Variants in KCNH7 observed in about 807,000 individuals in gnomAD.
The protein encoded by KCNH7 is voltage-gated inwardly rectifying potassium channel KCNH7.
A neutral mutation model predicts 120.8 loss-of-function variants in KCNH7; 49 were observed. The observed-to-expected ratio is 0.41, with a 90% CI of 0.32 to 0.51. KCNH7 has a LOEUF of 0.51. Among genes scored for constraint, KCNH7 ranks in the 20% least tolerant of loss-of-function variants. KCNH7 has a pLI of 0.38. For synonymous variants in KCNH7, 547 were observed against 516.1 expected, an observed-to-expected ratio of 1.06 and a Z score of -0.81; for missense variants, 1,097 against 1,446.6, an observed-to-expected ratio of 0.76 and a Z score of 3.92.
chr2:162,409,151 G>A (rs190115557), intron 9 of KCNH7, among the ~76,000 whole-genome samples: 8 of 151,804 alleles, frequency 5.3e-5, no homozygotes, highest in South Asian at 2.1e-4. Context: ...GGCTAATTCC[G>A]TGAATAAAAT....
At chr2:162,541,898 G>C (rs1692317835) in intron 2 of KCNH7, among the ~76,000 whole-genome samples, 1 of 151,942 alleles carries the variant, frequency 6.6e-6, no homozygotes, top group Non-Finnish European at 1.5e-5. Flanking sequence ...TAAGAGAAGA[G>C]GTATTTCAAA....
intron 2 of KCNH7, among the ~76,000 whole-genome samples, chr2:162,832,266 C>T (rs376365141): frequency 1.3e-4 from 20 of 152,024 alleles, no homozygotes; most frequent in African/African-American, 4.6e-4. Flanking sequence ...AAAAAGCTAC[C>T]ATCTGTATCT....
chr2:162,820,209 T>TGTGTGTG (rs1685065485), intron 2 of KCNH7, among the ~76,000 whole-genome samples: 70 of 99,738 alleles, frequency 7.0e-4, no homozygotes, highest in Non-Finnish European at 1.2e-3. Flanking sequence ...CCGGCTAATT[T>TGTGTGTG]TGTGTGTGTG....
chr2:162,614,589 A>C (rs1230626307), intron 2 of KCNH7, among the ~76,000 whole-genome samples: 3 of 151,824 alleles, frequency 2.0e-5, no homozygotes, highest in African/African-American at 7.2e-5. Flanking sequence ...AAAGTGGATA[A>C]ATATTAAAAA....
intron 2 of KCNH7, chr2:162,784,640 A>AC (rs1683633290): frequency 6.6e-6 from 1 of 152,138 alleles, no homozygotes; most frequent in Non-Finnish European, 1.5e-5. Context: ...TTCAAGAACC[A>AC]CCACCTGCAA....
intron 6 of KCNH7, among the ~76,000 whole-genome samples, chr2:162,495,232 A>T (rs1317221421): frequency 1.3e-5 from 2 of 152,164 alleles, no homozygotes; most frequent in African/African-American, 4.8e-5. Context: ...ATCAAGCATG[A>T]CCTGCAGAAC....
rs1402886271 is a variant in KCNH7, at chr2:162,371,843, G to T, written c.3577C>A (p.Leu1193Ile). The T allele has an allele frequency of 6.2e-7, 1 of 1,608,688 alleles. No homozygotes were observed. The highest frequency in any genetic ancestry group is 2.2e-5 in the East Asian group (1 of 44,682). ...GTACAAAATGATTATTTCCCTGGAA[G>T]ACCAGGATCAGAAACATGCCTATGA... Reference protein sequence around the residue: ...GLHRHVSDPGLPGK With the variant: ...GLHRHVSDPGIPGK Residue 1193 changes from leucine to isoleucine, a missense_variant, in exon 16 of 16, where the codon CTT (leucine) becomes ATT (isoleucine). By Grantham distance (5) the Leu-to-Ile change is conservative. Transcript: ENST00000332142.
intron 2 of KCNH7, among the ~76,000 whole-genome samples, chr2:162,548,538 T>C (rs759018437): frequency 5.3e-5 from 8 of 152,168 alleles, no homozygotes; most frequent in African/African-American, 1.2e-4. Context: ...CATTTCTACA[T>C]TGAGACCACA....
intron 2 of KCNH7, among the ~76,000 whole-genome samples, chr2:162,599,873 C>G (rs1694496079): frequency 7.2e-6 from 1 of 138,832 alleles, no homozygotes; most frequent in African/African-American, 3.0e-5. Flanking sequence ...AACCAAAGTA[C>G]AGATTACAAT....
intron 2 of KCNH7, among the ~76,000 whole-genome samples, chr2:162,682,848 C>A (rs528524271): frequency 6.6e-6 from 1 of 151,640 alleles, no homozygotes; most frequent in African/African-American, 2.4e-5. Flanking sequence ...CCATGGAGAA[C>A]CATAATTTCC....
At chr2:162,383,901 G>T (rs1317085480) in intron 13 of KCNH7, among the ~76,000 whole-genome samples, 1 of 151,606 alleles carries the variant, frequency 6.6e-6, no homozygotes, top group Non-Finnish European at 1.5e-5. Flanking sequence ...TGGTGGGTTT[G>T]GTCAAATCAT....
chr2:162,835,499 G>T (rs1239494293), intron 2 of KCNH7, among the ~76,000 whole-genome samples: 1 of 151,754 alleles, frequency 6.6e-6, no homozygotes, highest in Non-Finnish European at 1.5e-5. Context: ...AGTAATTTCT[G>T]TTAGTGGAAT....
chr2:162,537,401 T>C (rs1303382997), intron 2 of KCNH7, among the ~76,000 whole-genome samples: 1 of 152,042 alleles, frequency 6.6e-6, no homozygotes, highest in Non-Finnish European at 1.5e-5. Flanking sequence ...TTTCTAGAAA[T>C]AATTCTTACC....
chr2:162,706,711 C>T (rs1455814112), intron 2 of KCNH7, among the ~76,000 whole-genome samples: 1 of 151,920 alleles, frequency 6.6e-6, no homozygotes, highest in African/African-American at 2.4e-5. Flanking sequence ...ATTGCCTTCA[C>T]CCACAGGGCA....
chr2:162,554,236 A>T (rs1169729633), intron 2 of KCNH7, among the ~76,000 whole-genome samples: 2 of 152,198 alleles, frequency 1.3e-5, no homozygotes, highest in East Asian at 3.9e-4. Context: ...GGCATGTTTG[A>T]CTCATCTCCT....
intron 3 of KCNH7, among the ~76,000 whole-genome samples, chr2:162,527,669 A>G (rs1691759185): frequency 6.6e-6 from 1 of 152,016 alleles, no homozygotes; most frequent in Admixed American, 6.6e-5. Flanking sequence ...CTTCAGTTGA[A>G]GCTTTTAGAA....
chr2:162,737,380 G>T (rs184273909), intron 2 of KCNH7, among the ~76,000 whole-genome samples: 66 of 152,262 alleles, frequency 4.3e-4, no homozygotes, highest in Non-Finnish European at 7.1e-4. Context: ...TTTTCAGAAA[G>T]AGGACAGGAG....
At position 162,768,910 on chromosome 2, in the gene KCNH7, A is replaced by C. The variant is rs1396608833; in HGVS notation, c.307+67627T>G. Reference sequence around the variant, plus strand: ...TTTTCCACAGGGTTCTATGGTTGCTATAGTAACAGCTTCTTTTGTTTGTAC... The same window carrying C: ...TTTTCCACAGGGTTCTATGGTTGCTCTAGTAACAGCTTCTTTTGTTTGTAC... On this transcript the variant is annotated intron_variant, in intron 2 of 15. Transcript: ENST00000332142. 3.9e-5 allele frequency: 6 copies of C among 152,190 alleles called. No individual in the cohort carries two copies. In the East Asian group the frequency reaches 9.6e-4, roughly 24 times the overall value. 9.4% of individuals were successfully genotyped at this position (152,190 alleles called of 1,614,324 possible).
At chr2:162,824,365 ACAGTTGAGGTTGTGCAT>A (rs1352947363) in intron 2 of KCNH7, among the ~76,000 whole-genome samples, 1 of 152,136 alleles carries the variant, frequency 6.6e-6, no homozygotes, top group Non-Finnish European at 1.5e-5. Flanking sequence ...AGCTAATAGG[ACAGTTGAGGTTGTGCAT>A]CATTAATGGC....
Sources: gnomAD v4.1 joint callset for allele counts (sites outside exome capture counted in the v4.1 genomes callset) on GRCh38, gnomAD v4.1.1 for gene constraint, MANE v1.5 for transcripts, NCBI Gene and HGNC (gene_info 2026-07-23, HGNC 2026-07-21) for gene names.